Variants in MAP2K4 observed in about 807,000 individuals in gnomAD.
The protein encoded by MAP2K4 is mitogen-activated protein kinase kinase 4.
In MAP2K4, 4 loss-of-function variants were observed where a neutral mutation model predicts 48.5. That is an observed-to-expected ratio of 0.08 (90% CI 0.04 to 0.19). MAP2K4 has a LOEUF of 0.19. Ranked by LOEUF, MAP2K4 falls within the 10% of genes least tolerant of loss-of-function variation. MAP2K4 has a pLI of 1.00. For missense variants in MAP2K4, 258 were observed against 493.3 expected, an observed-to-expected ratio of 0.52 and a Z score of 4.52; for synonymous variants, 166 against 173.1, an observed-to-expected ratio of 0.96 and a Z score of 0.32.
chr17:12,073,569 A>T (rs1970889617), intron 2 of MAP2K4, among the ~76,000 whole-genome samples: 1 of 152,178 alleles, frequency 6.6e-6, no homozygotes, highest in Admixed American at 6.5e-5. Flanking sequence ...AGACAAGTAG[A>T]GTGCAGCCCA....
At chr17:12,045,761 G>A (rs1034266468) in intron 1 of MAP2K4, among the ~76,000 whole-genome samples, 1 of 152,170 alleles carries the variant, frequency 6.6e-6, no homozygotes, top group African/African-American at 2.4e-5. Flanking sequence ...CAAAGTAAGA[G>A]ACCACTGTTG....
intron 4 of MAP2K4, among the ~76,000 whole-genome samples, chr17:12,104,912 G>A (rs1972058160): frequency 6.6e-6 from 1 of 152,048 alleles, no homozygotes; most frequent in Non-Finnish European, 1.5e-5. Context: ...ATATATTTGT[G>A]AATGATTTAA....
chr17:12,071,226 A>G (rs1297286364), intron 2 of MAP2K4, among the ~76,000 whole-genome samples: 1 of 152,114 alleles, frequency 6.6e-6, no homozygotes, highest in Non-Finnish European at 1.5e-5. Flanking sequence ...TTCTGGATGG[A>G]CCTATCTTTT....
At chr17:12,091,823 TTA>T (rs1385293664) in intron 3 of MAP2K4, among the ~76,000 whole-genome samples, 2 of 152,188 alleles carry the variant, frequency 1.3e-5, no homozygotes, top group African/African-American at 4.8e-5. Context: ...AGAAAACTAC[TTA>T]TATATGTAGA....
chr17:12,058,786 A>G (rs1189202873), intron 2 of MAP2K4, among the ~76,000 whole-genome samples: 1 of 152,218 alleles, frequency 6.6e-6, no homozygotes, highest in Non-Finnish European at 1.5e-5. Context: ...CCATTGCTAC[A>G]TCTAGTAGAA....
intron 5 of MAP2K4, 40 bp from the exon 6 acceptor site, chr17:12,110,335 G>A (rs770369853): frequency 6.9e-7 from 1 of 1,442,800 alleles, no homozygotes; most frequent in Non-Finnish European, 9.8e-7. Context: ...TGAATAAAAA[G>A]AAACAAGTTG....
chr17:12,126,772 TG>T (rs61567584), intron 8 of MAP2K4, among the ~76,000 whole-genome samples: 26 of 152,256 alleles, frequency 1.7e-4, no homozygotes, highest in African/African-American at 6.0e-4. Flanking sequence ...AATTTTGTTT[TG>T]AAGTCTTCGG....
intron 2 of MAP2K4, among the ~76,000 whole-genome samples, chr17:12,076,212 T>C (rs541849293): frequency 1.3e-5 from 2 of 151,870 alleles, no homozygotes; most frequent in East Asian, 3.9e-4. Context: ...TTATTAGACA[T>C]TGTATAGAAA....
intron 9 of MAP2K4, among the ~76,000 whole-genome samples, chr17:12,133,559 T>A (rs982483486): frequency 2.6e-5 from 4 of 152,334 alleles, no homozygotes; most frequent in South Asian, 4.1e-4. Flanking sequence ...TCAGCCCATA[T>A]TTTAAACTGT....
intron 2 of MAP2K4, chr17:12,069,772 A>G (rs1173185632): frequency 1.0e-6 from 1 of 965,960 alleles, no homozygotes; most frequent in Non-Finnish European, 1.4e-6. Flanking sequence ...GCTGCATTGC[A>G]GAAGGATGCA....
intron 1 of MAP2K4, among the ~76,000 whole-genome samples, chr17:12,045,709 T>G (rs1969939401): frequency 6.6e-6 from 1 of 151,962 alleles, no homozygotes; most frequent in Non-Finnish European, 1.5e-5. Context: ...GAATATTGAG[T>G]TGGATTAGGA....
intron 2 of MAP2K4, among the ~76,000 whole-genome samples, chr17:12,073,866 C>T (rs963644818): frequency 1.4e-4 from 21 of 151,516 alleles, no homozygotes; most frequent in African/African-American, 3.4e-4. Flanking sequence ...CTCTGCCTCC[C>T]GGGTTGAAGA....
intron 7 of MAP2K4, 151 bp downstream of exon 7, chr17:12,113,511 A>T: frequency 1.2e-6 from 1 of 842,840 alleles, no homozygotes; most frequent in Non-Finnish European, 1.7e-6. Context: ...TAGCCTCTCC[A>T]TGAAACTTTG....
At chr17:12,086,279 T>G (rs1409720715) in intron 3 of MAP2K4, among the ~76,000 whole-genome samples, 1 of 152,198 alleles carries the variant, frequency 6.6e-6, no homozygotes. Flanking sequence ...AGCTGTATTC[T>G]TTTATGCTTC....
intron 7 of MAP2K4, among the ~76,000 whole-genome samples, chr17:12,123,498 G>C (rs1480885735): frequency 2.0e-5 from 3 of 151,986 alleles, no homozygotes; most frequent in Non-Finnish European, 4.4e-5. Context: ...TGGTTTTCTT[G>C]ACTTTTCTCT....
At chr17:12,051,262 T>A (rs763115042) in intron 1 of MAP2K4, among the ~76,000 whole-genome samples, 1 of 152,136 alleles carries the variant, frequency 6.6e-6, no homozygotes, top group Non-Finnish European at 1.5e-5. Context: ...GGACAGGTAC[T>A]GTTCCTAAGT....
At chr17:12,119,823 T>A (rs1972624489) in intron 7 of MAP2K4, among the ~76,000 whole-genome samples, 1 of 152,318 alleles carries the variant, frequency 6.6e-6, no homozygotes, top group South Asian at 2.1e-4. Context: ...TAAAAAAGAA[T>A]GAGAGCATGT....
chr17:12,055,045 TG>T, intron 2 of MAP2K4, 54 bp downstream of exon 2: 1 of 1,129,742 alleles, frequency 8.9e-7, no homozygotes, highest in South Asian at 1.4e-5. Flanking sequence ...TTAAAGTTAC[TG>T]TATTTTATGA....
Position 12,141,256 on chromosome 17 carries a change from A to T in MAP2K4, c.1196A>T (p.Asp399Val). 1.9e-6 allele frequency: 3 copies of T among 1,607,622 alleles called. No individual in the cohort carries two copies. The highest frequency in any genetic ancestry group is 2.6e-6 in the Non-Finnish European group (3 of 1,174,132). ...PATPSSPMYVD is the reference protein window; with the variant it reads ...PATPSSPMYVV ...ACTCCCAGCTCTCCCATGTATGTCGATTGATATCGCTGCTACATCAGACTC... is the reference window on the plus strand; with the variant it reads ...ACTCCCAGCTCTCCCATGTATGTCGTTTGATATCGCTGCTACATCAGACTC... Residue 399 changes from aspartate (D) to valine (V), a missense_variant, in exon 11 of 11, where the codon GAT becomes GTT. Asp to Val is a radical substitution (Grantham distance 152). Coordinates refer to ENST00000353533, the MANE Select transcript of MAP2K4 (RefSeq NM_003010.4).
Sources: allele counts gnomAD v4.1 joint callset (sites outside exome capture counted in the v4.1 genomes callset), GRCh38; gene constraint gnomAD v4.1.1; transcripts MANE v1.5; gene names NCBI Gene and HGNC (gene_info 2026-07-23, HGNC 2026-07-21).